NDST4: variants seen among roughly 807,000 people sequenced by gnomAD.
The protein encoded by NDST4 is N-deacetylase and N-sulfotransferase 4.
Under a neutral mutation model 100.8 loss-of-function variants are expected in NDST4, and 63 were observed. The ratio of observed to expected loss-of-function variants is 0.62; its 90% CI spans 0.51 to 0.77. NDST4 has a LOEUF of 0.77. NDST4 is among the 30% of genes least tolerant of loss of function. The probability of loss-of-function intolerance (pLI) is 0.00; values close to 1 mark genes in which losing one functional copy is unlikely to be tolerated. For synonymous variants in NDST4, 377 were observed against 361.8 expected (o/e 1.04, Z -0.48); for missense variants, 943 against 1,018.4 (o/e 0.93, Z 1.01).
intron 6 of NDST4, among the ~76,000 whole-genome samples, chr4:114,927,646 A>G (rs1451441201): frequency 2.6e-5 from 4 of 152,078 alleles, no homozygotes; most frequent in African/African-American, 7.2e-5. Flanking sequence ...TCATGCTAGC[A>G]TGTCCTTATT....
chr4:114,992,392 G>C (rs1276925358), intron 2 of NDST4, among the ~76,000 whole-genome samples: 1 of 151,752 alleles, frequency 6.6e-6, no homozygotes, highest in East Asian at 1.9e-4. Context: ...GTTGTTGACA[G>C]TTTCCATTAT....
At chr4:114,984,240 A>G (rs1209810289) in intron 2 of NDST4, among the ~76,000 whole-genome samples, 1 of 151,952 alleles carries the variant, frequency 6.6e-6, no homozygotes, top group Admixed American at 6.6e-5. Flanking sequence ...GTACAGTGGC[A>G]TGACCTCAGG....
chr4:114,827,830 G>T lies in NDST4; in HGVS notation c.2605C>A (p.Gln869Lys), dbSNP rs376434674. The stretch of plus-strand genomic sequence containing the variant: ...TGTCTCCAGTGCTATCTCACTTTCT[G>T]CAGTTCCTGTCTCAGCCACGATGGC... ...PLPSWLRQEL[Q>K]KVR Residue 869 changes from glutamine to lysine, a missense_variant, in exon 14 of 14, where the codon CAG (glutamine) becomes AAG (lysine). Gln to Lys is a moderately conservative substitution (Grantham distance 53, BLOSUM62 1). Transcript: ENST00000264363. 6 of 1,610,648 alleles carry T rather than the reference G, an allele frequency of 3.7e-6. No individual in the cohort carries two copies. Among genetic ancestry groups the T allele is most frequent in the Admixed American group, 1.7e-5 (1 of 59,746 alleles).
chr4:114,842,618 TAAAAAAAAAAAAAAAAAAAA>T (rs71584042), intron 10 of NDST4: 3 of 38,874 alleles, frequency 7.7e-5, no homozygotes, highest in Non-Finnish European at 1.4e-4. Flanking sequence ...CAGTCTCTAC[TAAAAAAAAAAAAAAAAAAAA>T]AAAAAAAAAA....
chr4:115,014,904 A>G (rs1727642238), intron 2 of NDST4, among the ~76,000 whole-genome samples: 1 of 152,126 alleles, frequency 6.6e-6, no homozygotes, highest in Non-Finnish European at 1.5e-5. Flanking sequence ...AGCTCCTAAA[A>G]GTAAAAGAGA....
At chr4:115,052,842 C>T (rs1728615678) in intron 2 of NDST4, among the ~76,000 whole-genome samples, 2 of 152,074 alleles carry the variant, frequency 1.3e-5, no homozygotes, top group African/African-American at 2.4e-5. Context: ...CATTCTAGCC[C>T]AGTGAGCCTA....
intron 6 of NDST4, among the ~76,000 whole-genome samples, chr4:114,892,740 T>G (rs1445264252): frequency 6.6e-6 from 1 of 151,722 alleles, no homozygotes; most frequent in South Asian, 2.1e-4. Context: ...TTTTTTTTTG[T>G]GGGGGTGGGA....
chr4:114,885,090 T>C (rs1724450746), intron 6 of NDST4, among the ~76,000 whole-genome samples: 1 of 152,172 alleles, frequency 6.6e-6, no homozygotes, highest in South Asian at 2.1e-4. Flanking sequence ...AGTCTCAGAC[T>C]TTTTATTATA....
At chr4:115,104,678 A>G (rs1729801922) in intron 1 of NDST4, among the ~76,000 whole-genome samples, 1 of 152,132 alleles carries the variant, frequency 6.6e-6, no homozygotes, top group African/African-American at 2.4e-5. Context: ...TCACATTAAA[A>G]TGTTGGTGAA....
At chr4:114,872,605 C>T (rs939707059) in intron 6 of NDST4, among the ~76,000 whole-genome samples, 23 of 152,120 alleles carry the variant, frequency 1.5e-4, no homozygotes, top group African/African-American at 5.5e-4. Context: ...ATGTCTCTAA[C>T]TTAGATAAAA....
intron 9 of NDST4, 89 bp from the exon 10 acceptor site, chr4:114,846,086 C>A: frequency 4.3e-6 from 4 of 939,430 alleles, no homozygotes; most frequent in East Asian, 2.6e-5. Flanking sequence ...TTTTAATATT[C>A]ATTTATAGCT....
At chr4:114,893,372 G>C (rs1724640762) in intron 6 of NDST4, among the ~76,000 whole-genome samples, 1 of 152,142 alleles carries the variant, frequency 6.6e-6, no homozygotes, top group African/African-American at 2.4e-5. Flanking sequence ...CAGTGTAAAA[G>C]CATTCCTATT....
chr4:114,901,338 TTA>T (rs1724834223), intron 6 of NDST4, among the ~76,000 whole-genome samples: 1 of 152,086 alleles, frequency 6.6e-6, no homozygotes, highest in African/African-American at 2.4e-5. Context: ...CTAAAAATTG[TTA>T]TGTCTTCTTA....
intron 2 of NDST4, among the ~76,000 whole-genome samples, chr4:115,009,834 T>A: frequency 1.4e-5 from 1 of 71,936 alleles, no homozygotes; most frequent in Non-Finnish European, 2.6e-5. Context: ...CAAACAAATT[T>A]ACAAGAAAAA....
At chr4:114,828,993 G>A (rs1723139983) in intron 13 of NDST4, among the ~76,000 whole-genome samples, 1 of 152,048 alleles carries the variant, frequency 6.6e-6, no homozygotes, top group Non-Finnish European at 1.5e-5. Context: ...GTTTATAGTA[G>A]TAGTGGGAAC....
chr4:115,084,594 G>C (rs1729371141), intron 1 of NDST4, among the ~76,000 whole-genome samples: 1 of 152,126 alleles, frequency 6.6e-6, no homozygotes, highest in Non-Finnish European at 1.5e-5. Context: ...CTTGGGATTT[G>C]GTGCCCCGTG....
At chr4:114,926,545 G>A (rs920139640) in intron 6 of NDST4, among the ~76,000 whole-genome samples, 1 of 151,622 alleles carries the variant, frequency 6.6e-6, no homozygotes, top group Non-Finnish European at 1.5e-5. Flanking sequence ...GCCAGTGAGA[G>A]TCAAAATTAA....
chr4:115,006,200 T>C (rs1413749420), intron 2 of NDST4, among the ~76,000 whole-genome samples: 1 of 151,934 alleles, frequency 6.6e-6, no homozygotes, highest in East Asian at 1.9e-4. Flanking sequence ...TAGAAGTCCT[T>C]TATGACTGAG....
rs117321924 is a variant in NDST4, at chr4:115,006,818, C to T, written c.979-29544G>A. 2.6e-5 allele frequency among the ~76,000 whole-genome samples: 4 copies of T among 152,050 alleles called. No homozygotes were observed. In the East Asian group the frequency reaches 7.7e-4, roughly 29 times the overall value. On this transcript the variant is annotated intron_variant, in intron 2 of 13. Coordinates refer to ENST00000264363, the MANE Select transcript of NDST4 (RefSeq NM_022569.3). ...TATGTAGAATTAGTATAGTAGAAAG[C>T]CAACTACAGCACCTTGGGAACACTT...
Sources: allele counts gnomAD v4.1 joint callset (sites outside exome capture counted in the v4.1 genomes callset), GRCh38; gene constraint gnomAD v4.1.1; transcripts MANE v1.5; gene names NCBI Gene and HGNC (gene_info 2026-07-23, HGNC 2026-07-21).